Variants in TRIM45 observed in about 807,000 individuals in gnomAD.
TRIM45 encodes the protein tripartite motif containing 45.
In TRIM45, 45 loss-of-function variants were observed where a neutral mutation model predicts 46.7. That is an observed-to-expected ratio of 0.96 (90% CI 0.76 to 1.24). The LOEUF (loss-of-function observed/expected upper bound fraction) is 1.24. TRIM45 is among the 50% of genes most tolerant of loss of function. The pLI is 0.00. For synonymous variants in TRIM45, 259 were observed against 285.8 expected, an observed-to-expected ratio of 0.91 and a Z score of 0.94; for missense variants, 680 against 728.4, an observed-to-expected ratio of 0.93 and a Z score of 0.77.
At position 117,111,985 on chromosome 1, in the gene TRIM45, G is replaced by T; in HGVS notation, c.*320C>A. On this transcript the variant is annotated 3_prime_UTR_variant, in exon 6 of 6. Coordinates refer to ENST00000256649, the MANE Select transcript of TRIM45 (RefSeq NM_025188.4). ...AAAAGAAAAAAAAAGGGTTATATCAGAAAGGAACTAAACTACCTAGACCCT... is the reference window on the plus strand; with the variant it reads ...AAAAGAAAAAAAAAGGGTTATATCATAAAGGAACTAAACTACCTAGACCCT... 1 of 192,976 alleles carries T rather than the reference G, an allele frequency of 5.2e-6. No individual in the cohort carries two copies. Among genetic ancestry groups the T allele is most frequent in the Non-Finnish European group, 1.0e-5 (1 of 96,370 alleles). 12.0% of individuals were successfully genotyped at this position (192,976 alleles called of 1,614,324 possible).
upstream of TRIM45, chr1:117,121,927 A>G: frequency 1.4e-6 from 1 of 697,052 alleles, no homozygotes; most frequent in East Asian, 2.8e-5. The surrounding 1 kb of genome is among the most constrained non-coding windows in gnomAD (Gnocchi z 4.2). Flanking sequence ...GGGACCTGAC[A>G]AGGCCGTGGG....
At position 117,117,049 on chromosome 1, in the gene TRIM45, C is replaced by T. The variant is rs1313252502; in HGVS notation, c.1223-304G>A. Among the ~76,000 whole-genome samples the T allele has an allele frequency of 6.6e-6, 1 of 152,078 alleles. No homozygotes were observed. Among genetic ancestry groups the T allele is most frequent in the African/African-American group, 2.4e-5 (1 of 41,404 alleles). ...ACTGACCGAGGTATTTAAAGAAAAC[C>T]TCTAGACCCTGTGAGAGAGGATAGT... On this transcript the variant is annotated intron_variant, in intron 2 of 5. Transcript: ENST00000256649. This position sits in a 1 kb window ranked among gnomAD's most constrained non-coding sequence, Gnocchi z 4.9.
chr1:117,112,142 G>C lies in TRIM45; in HGVS notation c.*163C>G. ...GTTTTTTGTGCTCAACCATCCACAA[G>C]TACAATCAGTGAATAACTAACAAAA... On this transcript the variant is annotated 3_prime_UTR_variant, in exon 6 of 6. Transcript: ENST00000256649. 1.4e-6 allele frequency: 1 copy of C among 723,120 alleles called. No individual in the cohort carries two copies. The highest frequency in any genetic ancestry group is 2.0e-6 in the Non-Finnish European group (1 of 504,116). The allele number at this position is 723,120 out of a possible 1,614,324, so 44.8% of individuals were successfully genotyped here.
Position 117,118,818 on chromosome 1 carries a change from G to C in TRIM45, c.489-51C>G. 3 of 1,560,128 alleles carry C rather than the reference G, an allele frequency of 1.9e-6. No homozygotes were observed. Among genetic ancestry groups the C allele is most frequent in the Non-Finnish European group, 2.6e-6 (3 of 1,153,516 alleles). On this transcript the variant is annotated intron_variant, in intron 1 of 5. Transcript: ENST00000256649. This position sits in a 1 kb window ranked among gnomAD's most constrained non-coding sequence, Gnocchi z 5.7. ...GGAAATAAGGGGATAATTCTGTTGG[G>C]AATAGTTGGGCAGAGAGATTTTAGG...
In TRIM45 at chr1:117,121,730, G is replaced by C. The variant is rs970840437; in HGVS notation, c.-529C>G. On this transcript the variant is annotated 5_prime_UTR_variant, in exon 1 of 6. Transcript: ENST00000256649. The surrounding 1 kb of genome is among the most constrained non-coding windows in gnomAD (Gnocchi z 4.2). ...ACCGCCTCTCCCGCGCCTCGGCCCG[G>C]GACGCCCGCGGGCTCTGGCCCCTCC... 1.6e-6 allele frequency: 1 copy of C among 611,130 alleles called. No homozygotes were observed. The highest frequency in any genetic ancestry group is 3.0e-6 in the Non-Finnish European group (1 of 335,316). The allele number at this position is 611,130 out of a possible 1,614,324, so 37.9% of individuals were successfully genotyped here.
rs1300662259 is a variant in TRIM45 at position 117,118,015 on chromosome 1, A to G, written c.1222+19T>C. 6.2e-7 allele frequency: 1 copy of G among 1,601,746 alleles called. No individual in the cohort carries two copies. The highest frequency in any genetic ancestry group is 8.5e-7 in the Non-Finnish European group (1 of 1,173,672). The stretch of plus-strand genomic sequence containing the variant: ...CCTGTCCACTGCCCTCTCAATGTCA[A>G]TGGGAAATGCCTTCCTACCTTCTCC... On this transcript the variant is annotated intron_variant, in intron 2 of 5. Transcript: ENST00000256649. The surrounding 1 kb of genome is among the most constrained non-coding windows in gnomAD (Gnocchi z 5.7).
At position 117,117,031 on chromosome 1, in the gene TRIM45, G is replaced by A. The variant is rs1436396384; in HGVS notation, c.1223-286C>T. Among the ~76,000 whole-genome samples, 5 of 152,008 alleles carry A rather than the reference G, an allele frequency of 3.3e-5. No homozygotes were observed. Among genetic ancestry groups the A allele is most frequent in the African/African-American group, 9.7e-5 (4 of 41,382 alleles). The stretch of plus-strand genomic sequence containing the variant: ...GCTTTAAAAATACTCACGACTGACC[G>A]AGGTATTTAAAGAAAACCTCTAGAC... On this transcript the variant is annotated intron_variant, in intron 2 of 5. Transcript: ENST00000256649. The surrounding 1 kb of genome is among the most constrained non-coding windows in gnomAD (Gnocchi z 4.9).
At position 117,112,160 on chromosome 1, in the gene TRIM45, TAAC is replaced by T; in HGVS notation, c.*142_*144del. ...TCCACAAGTACAATCAGTGAATAAC[TAAC>T]AAAAGAGCACTTGAACTCCAGTGCA... On this transcript the variant is annotated 3_prime_UTR_variant, in exon 6 of 6. Coordinates refer to ENST00000256649, the MANE Select transcript of TRIM45 (RefSeq NM_025188.4). 4 of 685,398 alleles carry T rather than the reference TAAC, an allele frequency of 5.8e-6. No individual in the cohort carries two copies. The highest frequency in any genetic ancestry group is 1.2e-4 in the Admixed American group (2 of 16,516). The allele number at this position is 685,398 out of a possible 1,614,324, so 42.5% of individuals were successfully genotyped here. A position where few individuals can be genotyped will look rare whatever the true frequency, so the allele number is the denominator to read the frequency against.
At position 117,118,271 on chromosome 1, in the gene TRIM45, C is replaced by G. The variant is rs1304976509; in HGVS notation, c.985G>C (p.Glu329Gln). The G allele has an allele frequency of 2.5e-6, 4 of 1,614,196 alleles. No individual in the cohort carries two copies. The highest frequency in any genetic ancestry group is 3.4e-6 in the Non-Finnish European group (4 of 1,180,026). The change falls in exon 2 of 6, where the codon GAG becomes CAG. Residue 329 changes from glutamate to glutamine, a missense_variant. Transcript: ENST00000256649. This position sits in a 1 kb window ranked among gnomAD's most constrained non-coding sequence, Gnocchi z 5.7. ...CTGGTCAGCAAGTGCTCGGTGAACT[C>G]CACTCCAGTCCGCATGTCTGCCAGT... Reference protein sequence around the residue: ...QLLADMRTGVEFTEHLLTSGS... With the variant: ...QLLADMRTGVQFTEHLLTSGS...
chr1:117,118,023 T>C lies in TRIM45; in HGVS notation c.1222+11A>G. Reference sequence around the variant, plus strand: ...CTGCCCTCTCAATGTCAATGGGAAATGCCTTCCTACCTTCTCCTTGTAGGA... The same window carrying C: ...CTGCCCTCTCAATGTCAATGGGAAACGCCTTCCTACCTTCTCCTTGTAGGA... On this transcript the variant is annotated intron_variant, in intron 2 of 5. Coordinates refer to ENST00000256649, the MANE Select transcript of TRIM45 (RefSeq NM_025188.4). The surrounding 1 kb of genome is among the most constrained non-coding windows in gnomAD (Gnocchi z 5.7). The C allele has an allele frequency of 6.2e-7, 1 of 1,605,714 alleles. No homozygotes were observed.
rs1487803869 is a variant in TRIM45 at position 117,120,622 on chromosome 1, C to T, written c.488+92G>A. On this transcript the variant is annotated intron_variant, in intron 1 of 5. Coordinates refer to ENST00000256649, the MANE Select transcript of TRIM45 (RefSeq NM_025188.4). ...TGACCTTCCACGGTATTTGAGAAGG[C>T]TTTCCTTTTCATCTGCTCACCGAGG... is the stretch of plus-strand genomic sequence containing the variant. 14 of 1,497,270 alleles carry T rather than the reference C, an allele frequency of 9.4e-6. No homozygotes were observed. The African/African-American group carries it at 1.3e-4, about 13-fold the overall frequency. The allele number at this position is 1,497,270 out of a possible 1,614,324, so 92.7% of individuals were successfully genotyped here.
rs201391609 is a variant in TRIM45 at position 117,118,173 on chromosome 1, T to C, written c.1083A>G (p.Gln361=). The C allele has an allele frequency of 3.2e-5, 52 of 1,614,128 alleles. No homozygotes were observed. The East Asian group carries it at 4.2e-4, about 13-fold the overall frequency. ...VERLRKLNKV[Q]YSTRPGVNDK... ...CATTTACTCCAGGACGGGTGCTATA[T>C]TGAACTTTGTTCAGCTTCCTGAGCC... The change falls in exon 2 of 6, where the codon CAA becomes CAG. Residue 361 remains glutamine (Q), a synonymous_variant. Transcript: ENST00000256649. This position sits in a 1 kb window ranked among gnomAD's most constrained non-coding sequence, Gnocchi z 5.7.
At chr1:117,120,178 T>C (rs1039500243) in intron 1 of TRIM45, among the ~76,000 whole-genome samples, 4 of 152,160 alleles carry the variant, frequency 2.6e-5, no homozygotes, top group South Asian at 2.1e-4. Context: ...CCAATCATCA[T>C]CACCTATTCT....
At chr1:117,123,733 G>A (rs1650755791), upstream of TRIM45, among the ~76,000 whole-genome samples, 1 of 151,620 alleles carries the variant, frequency 6.6e-6, no homozygotes, top group Admixed American at 6.6e-5. Context: ...GGGTTCAAGC[G>A]ATTCTCCTGC....
Position 117,115,887 on chromosome 1 carries a change from T to C in TRIM45, c.1353-198A>G, listed in dbSNP as rs1485896842. Among the ~76,000 whole-genome samples, 1 of 152,238 alleles carries C rather than the reference T, an allele frequency of 6.6e-6. No individual in the cohort carries two copies. Among genetic ancestry groups the C allele is most frequent in the East Asian group, 1.9e-4 (1 of 5,200 alleles). The stretch of plus-strand genomic sequence containing the variant: ...GCATAAATTCCAATTTAGTCTGATA[T>C]TCAGACAAATTCCTTGAATATATTA... On this transcript the variant is annotated intron_variant, in intron 3 of 5. Coordinates refer to ENST00000256649, the MANE Select transcript of TRIM45 (RefSeq NM_025188.4). This position sits in a 1 kb window ranked among gnomAD's most constrained non-coding sequence, Gnocchi z 4.2.
chr1:117,121,990 A>G (rs1030678748), upstream of TRIM45: 5 of 600,174 alleles, frequency 8.3e-6, no homozygotes, highest in Non-Finnish European at 1.2e-5. This position sits in a 1 kb window ranked among gnomAD's most constrained non-coding sequence, Gnocchi z 4.2. Context: ...CAAGGCTCGG[A>G]GCGAGCGGCA....
rs1279795202 is a variant in TRIM45, at chr1:117,118,370, G to A, written c.886C>T (p.Leu296=). 3 of 1,614,050 alleles carry A rather than the reference G, an allele frequency of 1.9e-6. No homozygotes were observed. In the Admixed American group the frequency reaches 5.0e-5, roughly 27 times the overall value. ...KAIEEHRDKL[L]KQLEDIRAQK... ...GCCCGTATGTCTTCCAGCTGCTTCA[G>A]CAGCTTGTCCCGATGCTCCTCAATG... Residue 296 remains leucine (L), a synonymous_variant, in exon 2 of 6, where the codon CTG becomes TTG. Transcript: ENST00000256649. This position sits in a 1 kb window ranked among gnomAD's most constrained non-coding sequence, Gnocchi z 5.7.
upstream of TRIM45, among the ~76,000 whole-genome samples, chr1:117,123,756 G>A (rs1650756148): frequency 6.6e-6 from 1 of 151,724 alleles, no homozygotes; most frequent in East Asian, 1.9e-4. Flanking sequence ...CAGCCTCCCA[G>A]GTAGCTGGAA....
upstream of TRIM45, among the ~76,000 whole-genome samples, chr1:117,123,048 A>C (rs1650721913): frequency 6.6e-6 from 1 of 151,912 alleles, no homozygotes; most frequent in Non-Finnish European, 1.5e-5. Context: ...TATGAAAAAA[A>C]AAAAAAAAAC....
Sources: allele counts gnomAD v4.1 joint callset (sites outside exome capture counted in the v4.1 genomes callset), GRCh38; gene constraint gnomAD v4.1.1; non-coding constraint Gnocchi (gnomAD v3.1); transcripts MANE v1.5; gene names NCBI Gene and HGNC (gene_info 2026-07-23, HGNC 2026-07-21).